The following HHIPL1 variants were observed in gnomAD, a reference collection of about 807,000 sequenced individuals.
HHIPL1 encodes the protein HHIP like 1.
HHIPL1 carries 43 observed loss-of-function variants against 61.8 expected under a neutral mutation model. The observed-to-expected ratio is 0.70, with a 90% CI of 0.55 to 0.90. The LOEUF (loss-of-function observed/expected upper bound fraction) is 0.90, where lower values mean the gene tolerates loss of function less well. HHIPL1 is among the 40% of genes least tolerant of loss of function. The probability of loss-of-function intolerance (pLI) is 0.00; values close to 1 mark genes in which losing one functional copy is unlikely to be tolerated. For missense variants in HHIPL1, 1,056 were observed against 1,157.7 expected, an observed-to-expected ratio of 0.91 and a Z score of 1.28; for synonymous variants, 482 against 515.8, an observed-to-expected ratio of 0.93 and a Z score of 0.89.
chr14:99,646,391 A>G (rs1393813709), intron 1 of HHIPL1, among the ~76,000 whole-genome samples: 1 of 152,234 alleles, frequency 6.6e-6, no homozygotes, highest in Non-Finnish European at 1.5e-5. Flanking sequence ...GGGAAGGGCA[A>G]GAAGGCTGAC....
chr14:99,628,389 G>A, the HHIPL1 span, among the ~76,000 whole-genome samples: 9 of 152,100 alleles, frequency 5.9e-5, no homozygotes, highest in South Asian at 2.1e-4. Flanking sequence ...AGACCAGCCT[G>A]GCCAACAGGA....
rs983453335 is a variant in HHIPL1, at chr14:99,669,347, C to G, written c.1730+1044C>G. ...CAGCAGTCTGAACGTCTCTTCAACA[C>G]TGGGTACGGACACAGCTTGTACTTG... On this transcript the variant is annotated intron_variant, in intron 7 of 8. Coordinates refer to ENST00000330710, the MANE Select transcript of HHIPL1 (RefSeq NM_001127258.3). 3.3e-5 allele frequency: 33 copies of G among 1,007,902 alleles called. No individual in the cohort carries two copies. In the African/African-American group the frequency reaches 5.5e-4, roughly 17 times the overall value. 62.4% of individuals were successfully genotyped at this position (1,007,902 alleles called of 1,614,324 possible). A position where few individuals can be genotyped will look rare whatever the true frequency, so the allele number is the denominator to read the frequency against.
rs151007453 is a variant in HHIPL1, at chr14:99,655,136, C to T, written c.903-1864C>T. Among the ~76,000 whole-genome samples, 471 of 152,202 alleles carry T rather than the reference C, an allele frequency of 3.1e-3. 2 individuals are homozygous for T. Among genetic ancestry groups the T allele is most frequent in the African/African-American group, 0.011 (442 of 41,502 alleles). ...TCCTCCCAGAGCTGAGATCCCAATG[C>T]CGGGTGGATGACCGAAAGTCTGAGC... On this transcript the variant is annotated intron_variant, in intron 2 of 8. Transcript: ENST00000330710.
At chr14:99,627,105 TATCCATCCGTCC>T in the HHIPL1 span, among the ~76,000 whole-genome samples, 26 of 152,026 alleles carry the variant, frequency 1.7e-4, no homozygotes, top group African/African-American at 6.0e-4. The surrounding 1 kb of genome is among the most constrained non-coding windows in gnomAD (Gnocchi z 4.4). Context: ...TCTATCCAGC[TATCCATCCGTCC>T]ATCCATCCAT....
rs769281410 is a variant in HHIPL1, at chr14:99,652,237, A to C, written c.269A>C (p.Tyr90Ser). The C allele has an allele frequency of 2.2e-5, 35 of 1,603,002 alleles. No individual in the cohort carries two copies. In the African/African-American group the frequency reaches 3.7e-4, roughly 17 times the overall value. ...CTGTCTCTGCAGGAATGCTCGCCGT[A>C]TGCAGCCCACCTCTATGACGCCGAG... is the stretch of plus-strand genomic sequence containing the variant. ...RDLLCQECSP[Y>S]AAHLYDAEDP... The change falls in exon 2 of 9, where the codon TAT becomes TCT. Residue 90 changes from tyrosine to serine, a missense_variant. Tyr to Ser is a moderately radical substitution (Grantham distance 144). Coordinates refer to ENST00000330710, the MANE Select transcript of HHIPL1 (RefSeq NM_001127258.3).
In HHIPL1 at chr14:99,675,094, T is replaced by G; in HGVS notation, c.1817T>G (p.Phe606Cys). ...GGCATACTCTTCCTCTGCGCAGAGTTCATCCCGAAGACACGGAGCACCCCG... is the reference window on the plus strand; with the variant it reads ...GGCATACTCTTCCTCTGCGCAGAGTGCATCCCGAAGACACGGAGCACCCCG... ...RLIPFVPKEK[F>C]IPKTRSTPRP... Residue 606 changes from phenylalanine (F) to cysteine (C), a missense_variant, in exon 9 of 9, where the codon TTC (phenylalanine) becomes TGC (cysteine). Coordinates refer to ENST00000330710, the MANE Select transcript of HHIPL1 (RefSeq NM_001127258.3). The surrounding 1 kb of genome is among the most constrained non-coding windows in gnomAD (Gnocchi z 5.4). 1.7e-6 allele frequency: 2 copies of G among 1,169,774 alleles called. No individual in the cohort carries two copies. The highest frequency in any genetic ancestry group is 2.1e-6 in the Non-Finnish European group (2 of 936,070). The allele number at this position is 1,169,774 out of a possible 1,614,324, so 72.5% of individuals were successfully genotyped here. A position where few individuals can be genotyped will look rare whatever the true frequency, so the allele number is the denominator to read the frequency against.
intron 6 of HHIPL1, among the ~76,000 whole-genome samples, chr14:99,666,191 G>A (rs745629605): frequency 1.3e-5 from 2 of 152,212 alleles, no homozygotes; most frequent in African/African-American, 4.8e-5. Flanking sequence ...TGGTTTCTAC[G>A]ATCTGCCATG....
intron 2 of HHIPL1, among the ~76,000 whole-genome samples, chr14:99,656,710 C>T (rs912116372): frequency 1.3e-5 from 2 of 149,692 alleles, no homozygotes; most frequent in African/African-American, 2.5e-5. Context: ...TGGGTGGCGG[C>T]GGTTGCAATG....
chr14:99,616,061 T>A, the HHIPL1 span, among the ~76,000 whole-genome samples: 1 of 152,250 alleles, frequency 6.6e-6, no homozygotes, highest in African/African-American at 2.4e-5. Flanking sequence ...TAGAGTCACG[T>A]GCTGCTCCAT....
upstream of HHIPL1, among the ~76,000 whole-genome samples, chr14:99,643,014 G>A (rs762033002): frequency 1.1e-4 from 17 of 151,832 alleles, no homozygotes; most frequent in Non-Finnish European, 2.5e-4. Flanking sequence ...CATGTCCCAG[G>A]CTGGCTCTGA....
At chr14:99,654,155 C>CTGCA (rs955402532) in intron 2 of HHIPL1, among the ~76,000 whole-genome samples, 4 of 135,318 alleles carry the variant, frequency 3.0e-5, no homozygotes, top group Admixed American at 8.5e-5. Context: ...TGCCACTGCA[C>CTGCA]TGCAGCCTGG....
chr14:99,637,062 AAAAG>A, the HHIPL1 span, among the ~76,000 whole-genome samples: 21 of 121,582 alleles, frequency 1.7e-4, 1 homozygote, highest in African/African-American at 5.5e-4. Flanking sequence ...AAGGAAGGAA[AAAAG>A]AAAGAAAGAG....
chr14:99,639,909 A>G, the HHIPL1 span, among the ~76,000 whole-genome samples: 1 of 151,096 alleles, frequency 6.6e-6, no homozygotes, highest in East Asian at 2.0e-4. Flanking sequence ...ATCCTCCCAC[A>G]TCGGCCTCCC....
Position 99,678,492 on chromosome 14 carries a change from C to T in HHIPL1, c.*2866C>T, listed in dbSNP as rs1226261453. On this transcript the variant is annotated 3_prime_UTR_variant, in exon 9 of 9. Transcript: ENST00000330710. Reference sequence around the variant, plus strand: ...ACAAAGGAGGGAAGCAATTGTTAGCCCTTATGCAGTTTGTCCCTGCTACTG... The same window carrying T: ...ACAAAGGAGGGAAGCAATTGTTAGCTCTTATGCAGTTTGTCCCTGCTACTG... 3 of 152,306 alleles carry T rather than the reference C, an allele frequency of 2.0e-5. No individual in the cohort carries two copies. The highest frequency in any genetic ancestry group is 3.4e-3 in the Middle Eastern group (1 of 292). The allele number at this position is 152,306 out of a possible 1,614,324, so 9.4% of individuals were successfully genotyped here. A position where few individuals can be genotyped will look rare whatever the true frequency, so the allele number is the denominator to read the frequency against.
upstream of HHIPL1, among the ~76,000 whole-genome samples, chr14:99,640,877 CTTTTTT>C (rs59137552): frequency 5.3e-4 from 37 of 69,868 alleles, no homozygotes; most frequent in African/African-American, 2.1e-3. Flanking sequence ...ACTTCTTCTT[CTTTTTT>C]TTTTTTTTTT....
At chr14:99,622,202 A>C in the HHIPL1 span, among the ~76,000 whole-genome samples, 3 of 152,114 alleles carry the variant, frequency 2.0e-5, no homozygotes, top group Non-Finnish European at 4.4e-5. Context: ...TGATGTTCTC[A>C]TGGGACATTG....
At chr14:99,627,195 C>CCCATCCATCCAT in the HHIPL1 span, among the ~76,000 whole-genome samples, 1 of 147,456 alleles carries the variant, frequency 6.8e-6, no homozygotes, top group African/African-American at 2.5e-5. The surrounding 1 kb of genome is among the most constrained non-coding windows in gnomAD (Gnocchi z 4.4). Context: ...CTTCTATCTT[C>CCCATCCATCCAT]CCATCCATCC....
At chr14:99,607,010 C>T in the HHIPL1 span, among the ~76,000 whole-genome samples, 366 of 139,002 alleles carry the variant, frequency 2.6e-3, 5 homozygotes, top group Admixed American at 1.8e-3. Context: ...AAAATGTCAA[C>T]GTGACTTTGC....
chr14:99,669,052 C>T, intron 7 of HHIPL1: 4 of 1,459,274 alleles, frequency 2.7e-6, no homozygotes, highest in Non-Finnish European at 3.6e-6. Context: ...CAAGCACCTT[C>T]CCCAACCCAC....
Sources: allele counts gnomAD v4.1 joint callset (sites outside exome capture counted in the v4.1 genomes callset), GRCh38; gene constraint gnomAD v4.1.1; non-coding constraint Gnocchi (gnomAD v3.1); transcripts MANE v1.5; gene names NCBI Gene and HGNC (gene_info 2026-07-23, HGNC 2026-07-21).